The following BAZ2B variants were observed in gnomAD, a reference collection of about 807,000 sequenced individuals.
BAZ2B encodes the protein bromodomain adjacent to zinc finger domain protein 2B.
Under a neutral mutation model 246.0 loss-of-function variants are expected in BAZ2B, and 91 were observed. The observed-to-expected ratio is 0.37, with a 90% CI of 0.31 to 0.44. The LOEUF (loss-of-function observed/expected upper bound fraction) is 0.44, where lower values mean the gene tolerates loss of function less well. BAZ2B is among the 20% of genes least tolerant of loss of function. BAZ2B has a pLI of 1.00. For synonymous variants in BAZ2B, 855 were observed against 860.0 expected (o/e 0.99, Z 0.10); for missense variants, 2,332 against 2,533.7 (o/e 0.92, Z 1.71).
the BAZ2B span, among the ~76,000 whole-genome samples, chr2:159,701,618 C>T: frequency 6.8e-6 from 1 of 147,752 alleles, no homozygotes; most frequent in South Asian, 2.1e-4. Context: ...ATATTTTATT[C>T]TTCTTAAATT....
At chr2:159,663,181 TTTG>T in the BAZ2B span, among the ~76,000 whole-genome samples, 2 of 151,910 alleles carry the variant, frequency 1.3e-5, no homozygotes, top group Admixed American at 6.5e-5. Context: ...CTAATTTTCT[TTTG>T]TTGTTGTTTT....
chr2:159,448,885 T>C (rs2074634820), intron 4 of BAZ2B, among the ~76,000 whole-genome samples: 1 of 152,202 alleles, frequency 6.6e-6, no homozygotes, highest in Admixed American at 6.5e-5. Context: ...TGTAATCCAC[T>C]ATATCTCAAG....
chr2:159,561,102 C>T (rs1167075939), intron 1 of BAZ2B, among the ~76,000 whole-genome samples: 1 of 152,034 alleles, frequency 6.6e-6, no homozygotes, highest in Non-Finnish European at 1.5e-5. Context: ...TTTGTTTGTA[C>T]CCACCAAATC....
intron 30 of BAZ2B, 85 bp downstream of exon 30, chr2:159,348,593 A>T: frequency 6.9e-7 from 1 of 1,452,532 alleles, no homozygotes. Flanking sequence ...TGAAGGACCA[A>T]TAGACTGTAC....
At chr2:159,392,051 A>G (rs1378185109) in intron 20 of BAZ2B, 1 of 152,154 alleles carries the variant, frequency 6.6e-6, no homozygotes, top group Admixed American at 6.6e-5. Flanking sequence ...AGCCCCACAC[A>G]AGCGCTTGTC....
chr2:159,653,929 CA>C, the BAZ2B span, among the ~76,000 whole-genome samples: 1 of 152,068 alleles, frequency 6.6e-6, no homozygotes, highest in Non-Finnish European at 1.5e-5. Context: ...TAGATAATCT[CA>C]AATTCTTCCA....
intron 2 of BAZ2B, among the ~76,000 whole-genome samples, chr2:159,548,664 T>C (rs2087707994): frequency 6.6e-6 from 1 of 152,206 alleles, no homozygotes; most frequent in South Asian, 2.1e-4. Context: ...TCAAGTACAG[T>C]GGCTCACACC....
intron 27 of BAZ2B, among the ~76,000 whole-genome samples, chr2:159,356,882 G>A (rs2059170233): frequency 6.6e-6 from 1 of 152,134 alleles, no homozygotes; most frequent in African/African-American, 2.4e-5. Context: ...CTGCAGCAGA[G>A]GGGCCTGTTA....
intron 1 of BAZ2B, among the ~76,000 whole-genome samples, chr2:159,584,690 G>C (rs1282275163): frequency 6.6e-6 from 1 of 152,174 alleles, no homozygotes; most frequent in East Asian, 1.9e-4. Flanking sequence ...AGGAGTCAAG[G>C]ATGACAGGAC....
intron 4 of BAZ2B, among the ~76,000 whole-genome samples, chr2:159,452,421 A>T (rs1202187682): frequency 6.6e-6 from 1 of 152,222 alleles, no homozygotes; most frequent in Admixed American, 6.5e-5. Context: ...GTCAGATACT[A>T]TTATTATGAT....
Position 159,320,199 on chromosome 2 carries a change from C to T in BAZ2B, c.*66G>A. The T allele has an allele frequency of 7.5e-7, 1 of 1,341,116 alleles. No homozygotes were observed. Among genetic ancestry groups the T allele is most frequent in the Non-Finnish European group, 9.8e-7 (1 of 1,016,594 alleles). 83.1% of individuals were successfully genotyped at this position (1,341,116 alleles called of 1,614,324 possible). On this transcript the variant is annotated 3_prime_UTR_variant, in exon 37 of 37. Coordinates refer to ENST00000392783, the MANE Select transcript of BAZ2B (RefSeq NM_013450.4). ...TGTGCCTTGCACGTTTATGTAAATA[C>T]AGTTCACATTGCTGGTCTCATTTGT...
At chr2:159,609,302 T>C (rs533162543) in intron 1 of BAZ2B, among the ~76,000 whole-genome samples, 45 of 152,334 alleles carry the variant, frequency 3.0e-4, no homozygotes, top group African/African-American at 1.1e-3. Flanking sequence ...TCTAAAAAAC[T>C]AGAGTAACTC....
chr2:159,331,776 C>T (rs1039108841), intron 34 of BAZ2B, among the ~76,000 whole-genome samples: 5 of 152,162 alleles, frequency 3.3e-5, no homozygotes, highest in African/African-American at 7.2e-5. Context: ...ACCAGAATAA[C>T]GGTTTTACCA....
intron 27 of BAZ2B, among the ~76,000 whole-genome samples, chr2:159,356,965 C>T (rs1393527742): frequency 2.0e-5 from 3 of 152,092 alleles, no homozygotes; most frequent in Non-Finnish European, 4.4e-5. Flanking sequence ...AAACTCCATC[C>T]GAAGCTGACC....
At chr2:159,426,771 T>TAAA (rs1029621416) in intron 13 of BAZ2B, among the ~76,000 whole-genome samples, 88 of 152,172 alleles carry the variant, frequency 5.8e-4, no homozygotes, top group African/African-American at 2.1e-3. Flanking sequence ...TGTGTGACCT[T>TAAA]AAAAAATTCC....
chr2:159,360,334 T>G (rs1371543278), intron 27 of BAZ2B, among the ~76,000 whole-genome samples: 2 of 152,158 alleles, frequency 1.3e-5, no homozygotes, highest in Non-Finnish European at 1.5e-5. Context: ...AGCCAAATCA[T>G]GAGTGAACTC....
intron 33 of BAZ2B, among the ~76,000 whole-genome samples, chr2:159,335,630 C>T (rs2065532281): frequency 6.6e-6 from 1 of 151,580 alleles, no homozygotes. Flanking sequence ...ACTGCAGATT[C>T]ATAGATGTTT....
Position 159,348,697 on chromosome 2 carries a change from G to A in BAZ2B, c.5274C>T (p.Ala1758=), listed in dbSNP as rs748332481. The change falls in exon 30 of 37, where the codon GCC becomes GCT. Residue 1758 remains alanine (A), a synonymous_variant. Coordinates refer to ENST00000392783, the MANE Select transcript of BAZ2B (RefSeq NM_013450.4). ...ACACACCATCCTTATTCTTGAGGCAGGCTTGAGTAATATAATCCAAATGTT... is the reference window on the plus strand; with the variant it reads ...ACACACCATCCTTATTCTTGAGGCAAGCTTGAGTAATATAATCCAAATGTT... ...IQKHLDYITQ[A]CLKNKDVAII... 6.2e-7 allele frequency: 1 copy of A among 1,605,098 alleles called. No homozygotes were observed. Among genetic ancestry groups the A allele is most frequent in the Non-Finnish European group, 8.5e-7 (1 of 1,177,870 alleles).
chr2:159,432,274 A>T (rs2071273806), intron 9 of BAZ2B, among the ~76,000 whole-genome samples: 2 of 152,188 alleles, frequency 1.3e-5, no homozygotes, highest in Non-Finnish European at 2.9e-5. Context: ...AAAAGAAAAA[A>T]AAAAGTGACT....
Sources: allele counts gnomAD v4.1 joint callset (sites outside exome capture counted in the v4.1 genomes callset), GRCh38; gene constraint gnomAD v4.1.1; transcripts MANE v1.5; gene names NCBI Gene and HGNC (gene_info 2026-07-23, HGNC 2026-07-21).